The following RAPGEF5 variants were observed in gnomAD, a reference collection of about 807,000 sequenced individuals.
The protein encoded by RAPGEF5 is Rap guanine nucleotide exchange factor 5, also known as M-Ras-regulated GEF.
In RAPGEF5, 65 loss-of-function variants were observed where a neutral mutation model predicts 125.2. That is an observed-to-expected ratio of 0.52 (90% CI 0.43 to 0.64). The LOEUF (loss-of-function observed/expected upper bound fraction) is 0.64. RAPGEF5 is among the 30% of genes least tolerant of loss of function. The pLI is 0.00. For missense variants in RAPGEF5, 958 were observed against 1,048.1 expected, an observed-to-expected ratio of 0.91 and a Z score of 1.19; for synonymous variants, 391 against 385.9, an observed-to-expected ratio of 1.01 and a Z score of -0.16.
chr7:22,128,936 G>A (rs1276373050), intron 24 of RAPGEF5, among the ~76,000 whole-genome samples: 1 of 152,204 alleles, frequency 6.6e-6, no homozygotes, highest in Non-Finnish European at 1.5e-5. Flanking sequence ...AAAGAATTAA[G>A]GGTATGATGA....
intron 4 of RAPGEF5, among the ~76,000 whole-genome samples, chr7:22,308,757 C>T (rs1158552512): frequency 3.3e-5 from 5 of 152,168 alleles, no homozygotes; most frequent in Non-Finnish European, 5.9e-5. Flanking sequence ...GCTTCAGAGA[C>T]AGGTGCAGAT....
chr7:22,300,921 T>C (rs1159381219), intron 5 of RAPGEF5, among the ~76,000 whole-genome samples: 2 of 152,176 alleles, frequency 1.3e-5, no homozygotes, highest in African/African-American at 4.8e-5. Flanking sequence ...GCCAGAAAGA[T>C]GGGGTTTCTA....
In RAPGEF5 at chr7:22,168,200, T is replaced by C. The variant is rs529886641; in HGVS notation, c.1205-1052A>G. ...CCTAGTATGATGTATTAGGAGGGGG[T>C]ATTTGAGAGGTAATTAGGATTGGAT... On this transcript the variant is annotated intron_variant, in intron 11 of 25. Transcript: ENST00000665637. 2.0e-5 allele frequency among the ~76,000 whole-genome samples: 3 copies of C among 151,626 alleles called. No homozygotes were observed. In the East Asian group the frequency reaches 5.8e-4, roughly 29 times the overall value.
Position 22,335,691 on chromosome 7 carries a change from C to CA in RAPGEF5, c.232-17655dup, listed in dbSNP as rs71653120. On this transcript the variant is annotated intron_variant, in intron 1 of 25. Coordinates refer to ENST00000665637, the MANE Select transcript of RAPGEF5 (RefSeq NM_012294.5). The stretch of plus-strand genomic sequence containing the variant: ...TCCCTGAACCAAAACAAGAAACAAG[C>CA]AAAAAAAAAAAAACAACAAAACAAC... 7.4e-3 allele frequency among the ~76,000 whole-genome samples: 761 copies of CA among 102,694 alleles called. 4 individuals are homozygous for CA. The highest frequency in any genetic ancestry group is 0.025 in the South Asian group (91 of 3,606). 67.4% of individuals were successfully genotyped at this position (102,694 alleles called of 152,430 possible). A position where few individuals can be genotyped will look rare whatever the true frequency, so the allele number is the denominator to read the frequency against.
intron 12 of RAPGEF5, among the ~76,000 whole-genome samples, chr7:22,166,627 G>C (rs1434955114): frequency 6.6e-6 from 1 of 152,220 alleles, no homozygotes; most frequent in Admixed American, 6.5e-5. Context: ...GGAATGGCCT[G>C]TCTCCCCTGA....
chr7:22,299,999 T>C lies in RAPGEF5; in HGVS notation c.680+8340A>G, dbSNP rs939525594. The stretch of plus-strand genomic sequence containing the variant: ...TCCTGTTTGGGGTTCACTGGACCTC[T>C]TGAATCTACAGATTTGTCTCTCACT... On this transcript the variant is annotated intron_variant, in intron 5 of 25. Transcript: ENST00000665637. Among the ~76,000 whole-genome samples, 9 of 152,350 alleles carry C rather than the reference T, an allele frequency of 5.9e-5. No homozygotes were observed. The South Asian group carries it at 1.0e-3, about 18-fold the overall frequency.
chr7:22,166,849 G>T (rs4590334), intron 12 of RAPGEF5, among the ~76,000 whole-genome samples: 2 of 152,234 alleles, frequency 1.3e-5, no homozygotes, highest in African/African-American at 2.4e-5. Flanking sequence ...TATAAACAGT[G>T]TAATATAGCC....
chr7:22,154,489 CTCT>C lies in RAPGEF5; in HGVS notation c.1749_1751del (p.Glu584del), dbSNP rs1478364364. 1.2e-6 allele frequency: 2 copies of C among 1,613,844 alleles called. No individual in the cohort carries two copies. Among genetic ancestry groups the C allele is most frequent in the Admixed American group, 3.3e-5 (2 of 59,960 alleles). On this transcript the variant is annotated inframe_deletion, in exon 17 of 26. Transcript: ENST00000665637. ...ATGTGATGGCCACCAGAGCCAGATC[CTCT>C]TCTGCATACTGGATCTTTTCTGCCA...
chr7:22,208,042 C>G (rs1785434592), intron 9 of RAPGEF5, among the ~76,000 whole-genome samples: 1 of 152,130 alleles, frequency 6.6e-6, no homozygotes, highest in African/African-American at 2.4e-5. Flanking sequence ...TGCCCTTCTT[C>G]TTTACTGGGT....
At chr7:22,275,599 G>A (rs2128143583) in intron 6 of RAPGEF5, among the ~76,000 whole-genome samples, 1 of 152,280 alleles carries the variant, frequency 6.6e-6, no homozygotes, top group Non-Finnish European at 1.5e-5. Flanking sequence ...TGCTTTACAT[G>A]GGAAGGTATA....
At chr7:22,190,686 C>T (rs1784966264) in intron 11 of RAPGEF5, among the ~76,000 whole-genome samples, 1 of 152,126 alleles carries the variant, frequency 6.6e-6, no homozygotes, top group Non-Finnish European at 1.5e-5. Flanking sequence ...CACAGAGGGC[C>T]TCCTCTATTG....
chr7:22,148,942 G>C (rs1783531473), intron 18 of RAPGEF5, among the ~76,000 whole-genome samples: 1 of 152,202 alleles, frequency 6.6e-6, no homozygotes, highest in East Asian at 1.9e-4. Flanking sequence ...GCAGCACCCA[G>C]TTGGTTATGT....
At chr7:22,134,278 G>A (rs1338050529) in intron 23 of RAPGEF5, among the ~76,000 whole-genome samples, 1 of 152,090 alleles carries the variant, frequency 6.6e-6, no homozygotes, top group Non-Finnish European at 1.5e-5. Flanking sequence ...AATACTATAT[G>A]ATTTTATCAT....
At chr7:22,246,081 G>GACAC (rs140347414) in intron 7 of RAPGEF5, among the ~76,000 whole-genome samples, 1 of 151,478 alleles carries the variant, frequency 6.6e-6, no homozygotes, top group Non-Finnish European at 1.5e-5. Context: ...AATCATAGAT[G>GACAC]ACACACACAC....
intron 6 of RAPGEF5, among the ~76,000 whole-genome samples, chr7:22,289,536 T>C (rs1212647103): frequency 6.6e-6 from 1 of 152,272 alleles, no homozygotes; most frequent in Non-Finnish European, 1.5e-5. Context: ...ACACAGTTTC[T>C]GGCCCATAGT....
intron 9 of RAPGEF5, among the ~76,000 whole-genome samples, chr7:22,194,375 T>C (rs1247666489): frequency 6.6e-6 from 1 of 152,248 alleles, no homozygotes; most frequent in Non-Finnish European, 1.5e-5. Flanking sequence ...AACATACTAA[T>C]TGCATGTATA....
chr7:22,195,987 T>C (rs1463286266), intron 9 of RAPGEF5, among the ~76,000 whole-genome samples: 1 of 152,176 alleles, frequency 6.6e-6, no homozygotes, highest in African/African-American at 2.4e-5. Context: ...GGGAAGGGCT[T>C]CTCTAATGCC....
At chr7:22,203,008 G>T in intron 9 of RAPGEF5, 1 of 234,648 alleles carries the variant, frequency 4.3e-6, no homozygotes, top group Non-Finnish European at 9.0e-6. Context: ...TTTGTATCAG[G>T]GTCTTGCTAT....
chr7:22,145,676 G>A (rs926788128), intron 19 of RAPGEF5, among the ~76,000 whole-genome samples: 1 of 152,176 alleles, frequency 6.6e-6, no homozygotes, highest in Non-Finnish European at 1.5e-5. Flanking sequence ...GAGGACTGCT[G>A]AAGCACAGAT....
Sources: allele counts gnomAD v4.1 joint callset (sites outside exome capture counted in the v4.1 genomes callset), GRCh38; gene constraint gnomAD v4.1.1; transcripts MANE v1.5; gene names NCBI Gene and HGNC (gene_info 2026-07-23, HGNC 2026-07-21).